Variants in USH2A observed in about 807,000 individuals in gnomAD.
USH2A encodes usherin.
USH2A carries 443 observed loss-of-function variants against 538.9 expected under a neutral mutation model. The observed-to-expected ratio is 0.82, with a 90% CI of 0.76 to 0.89. USH2A has a LOEUF of 0.89. Ranked by LOEUF, USH2A falls within the 40% of genes least tolerant of loss-of-function variation. The probability of loss-of-function intolerance (pLI) is 0.00; values close to 1 mark genes in which losing one functional copy is unlikely to be tolerated. For synonymous variants in USH2A, 2,413 were observed against 2,273.5 expected, an observed-to-expected ratio of 1.06 and a Z score of -1.75; for missense variants, 6,633 against 6,324.8, an observed-to-expected ratio of 1.05 and a Z score of -1.65.
chr1:215,875,720 G>T (rs1294094384), intron 43 of USH2A, among the ~76,000 whole-genome samples: 1 of 151,728 alleles, frequency 6.6e-6, no homozygotes, highest in Non-Finnish European at 1.5e-5. Context: ...TAATGTTAAA[G>T]AGTCAAGTTC....
At chr1:215,862,455 C>T (rs909961914) in intron 44 of USH2A, among the ~76,000 whole-genome samples, 2 of 152,028 alleles carry the variant, frequency 1.3e-5, no homozygotes, top group African/African-American at 4.8e-5. Context: ...AGGAGATATA[C>T]CTAATGTAAA....
chr1:216,355,852 C>T (rs1302346363), intron 4 of USH2A, among the ~76,000 whole-genome samples: 1 of 151,874 alleles, frequency 6.6e-6, no homozygotes, highest in African/African-American at 2.4e-5. Flanking sequence ...TGGTCATGGC[C>T]ATTATGTTAA....
intron 64 of USH2A, among the ~76,000 whole-genome samples, chr1:215,670,723 A>G (rs1657786774): frequency 1.3e-5 from 2 of 152,206 alleles, no homozygotes. Context: ...CTAATAAGAA[A>G]TGCAAATTCA....
At chr1:215,737,963 G>A (rs1660202125) in intron 60 of USH2A, among the ~76,000 whole-genome samples, 1 of 151,982 alleles carries the variant, frequency 6.6e-6, no homozygotes, top group African/African-American at 2.4e-5. Flanking sequence ...AGCATTTACA[G>A]GGTGTTTGTA....
At position 215,884,814 on chromosome 1, in the gene USH2A, CAT is replaced by C. The variant is rs558510887; in HGVS notation, c.8223+3610_8223+3611del. 3.3e-4 allele frequency among the ~76,000 whole-genome samples: 50 copies of C among 152,216 alleles called. No homozygotes were observed. The South Asian group carries it at 7.3e-3, about 22-fold the overall frequency. Reference sequence around the variant, plus strand: ...ACATAGCAGAGGGAAGGAAGCTACACATGTTTGTGGTCTGGGTGACACTGTTC... The same window carrying C: ...ACATAGCAGAGGGAAGGAAGCTACACGTTTGTGGTCTGGGTGACACTGTTC... On this transcript the variant is annotated intron_variant, in intron 41 of 71. Transcript: ENST00000307340.
chr1:216,082,975 A>G (rs1423858139), intron 26 of USH2A, among the ~76,000 whole-genome samples: 7 of 152,094 alleles, frequency 4.6e-5, no homozygotes, highest in African/African-American at 1.4e-4. Flanking sequence ...ATTACCTATG[A>G]CATCTGAAAG....
intron 32 of USH2A, among the ~76,000 whole-genome samples, chr1:216,016,645 TAC>T (rs558158552): frequency 5.1e-4 from 77 of 152,296 alleles, no homozygotes; most frequent in Admixed American, 1.6e-3. Context: ...CATCAGTAGT[TAC>T]AGTGTTATAA....
intron 9 of USH2A, among the ~76,000 whole-genome samples, chr1:216,320,059 A>T (rs2037577162): frequency 6.6e-6 from 1 of 152,164 alleles, no homozygotes; most frequent in South Asian, 2.1e-4. Flanking sequence ...TGATAGAAAT[A>T]TAAGCATTTT....
chr1:215,872,564 T>C (rs1294357832), intron 43 of USH2A, among the ~76,000 whole-genome samples: 1 of 152,184 alleles, frequency 6.6e-6, no homozygotes, highest in African/African-American at 2.4e-5. Flanking sequence ...GTTTTTCTGC[T>C]TTTTTATTCT....
intron 44 of USH2A, among the ~76,000 whole-genome samples, chr1:215,851,181 A>G (rs1381225222): frequency 6.6e-6 from 1 of 152,178 alleles, no homozygotes; most frequent in Non-Finnish European, 1.5e-5. Context: ...AGAAGAAAAG[A>G]AATAACCAAA....
In USH2A at chr1:216,078,190, G is replaced by A. The variant is rs748792761; in HGVS notation, c.5471C>T (p.Ser1824Leu). The change falls in exon 27 of 72, where the codon TCG becomes TTG. Residue 1824 changes from serine to leucine, a missense_variant. Ser to Leu is a moderately radical substitution (Grantham distance 145). Transcript: ENST00000307340. Reference protein sequence around the residue: ...ASVNGLMKHASESGDQPLVVN... With the variant: ...ASVNGLMKHALESGDQPLVVN... ...CACCAGTGGCTGGTCTCCGGACTCCGATGCATGCTTCATCAGTCCATTCAC... is the reference window on the plus strand; with the variant it reads ...CACCAGTGGCTGGTCTCCGGACTCCAATGCATGCTTCATCAGTCCATTCAC... The A allele has an allele frequency of 5.0e-6, 8 of 1,613,738 alleles. No individual in the cohort carries two copies. The highest frequency in any genetic ancestry group is 2.2e-5 in the East Asian group (1 of 44,862).
intron 21 of USH2A, among the ~76,000 whole-genome samples, chr1:216,148,205 G>A (rs898766343): frequency 2.6e-5 from 4 of 151,622 alleles, no homozygotes; most frequent in African/African-American, 9.7e-5. Flanking sequence ...TGATGGCCAG[G>A]CTTCTAAACC....
chr1:216,068,129 T>C (rs774658910), intron 30 of USH2A, among the ~76,000 whole-genome samples: 35 of 152,124 alleles, frequency 2.3e-4, no homozygotes, highest in Non-Finnish European at 4.1e-4. Flanking sequence ...GGTGAAGACA[T>C]AGAGTGTCAA....
At position 215,680,204 on chromosome 1, in the gene USH2A, C is replaced by A; in HGVS notation, c.12239G>T (p.Gly4080Val). Residue 4080 changes from glycine (G) to valine (V), a missense_variant, in exon 62 of 72, where the codon GGC (glycine) becomes GTC (valine). Transcript: ENST00000307340. The stretch of plus-strand genomic sequence containing the variant: ...TGACCACTGTAGTAGCAATGCCCGG[C>A]CATTCTCTTTCTGTTCTACTATAAA... ...RNFIVEQKEN[G>V]RALLLQWSEP... 4 of 1,614,124 alleles carry A rather than the reference C, an allele frequency of 2.5e-6. No individual in the cohort carries two copies. The highest frequency in any genetic ancestry group is 8.5e-7 in the Non-Finnish European group (1 of 1,180,000).
intron 32 of USH2A, among the ~76,000 whole-genome samples, chr1:216,034,732 G>T (rs1172149762): frequency 6.6e-6 from 1 of 152,186 alleles, no homozygotes; most frequent in Non-Finnish European, 1.5e-5. Context: ...ACCACTGACT[G>T]CCAGAAACCA....
intron 3 of USH2A, among the ~76,000 whole-genome samples, chr1:216,405,141 C>T (rs2039373107): frequency 6.6e-6 from 1 of 152,098 alleles, no homozygotes; most frequent in South Asian, 2.1e-4. Flanking sequence ...CAGGCATGAG[C>T]CACCATGCCT....
At chr1:216,388,221 C>T (rs1186177056) in intron 3 of USH2A, among the ~76,000 whole-genome samples, 3 of 152,152 alleles carry the variant, frequency 2.0e-5, no homozygotes, top group Non-Finnish European at 4.4e-5. Context: ...AATGTGTCTT[C>T]AGATTGAGAA....
intron 37 of USH2A, among the ~76,000 whole-genome samples, chr1:215,944,647 A>G (rs1244027618): frequency 6.6e-6 from 1 of 152,180 alleles, no homozygotes; most frequent in Non-Finnish European, 1.5e-5. Flanking sequence ...GCCAGTGGAA[A>G]TCCAAGTGCC....
At chr1:216,351,463 G>A (rs929447545) in intron 4 of USH2A, among the ~76,000 whole-genome samples, 7 of 152,252 alleles carry the variant, frequency 4.6e-5, no homozygotes, top group South Asian at 2.1e-4. Flanking sequence ...GTCAAAAATC[G>A]GCAAAGAGGC....
Sources: allele counts gnomAD v4.1 joint callset (sites outside exome capture counted in the v4.1 genomes callset), GRCh38; gene constraint gnomAD v4.1.1; transcripts MANE v1.5; gene names NCBI Gene and HGNC (gene_info 2026-07-23, HGNC 2026-07-21).